Variants in AOPEP observed in about 807,000 individuals in gnomAD.
AOPEP encodes aminopeptidase O.
A neutral mutation model predicts 98.1 loss-of-function variants in AOPEP; 77 were observed. That is an observed-to-expected ratio of 0.78 (90% CI 0.65 to 0.95). AOPEP has a LOEUF of 0.95. Ranked by LOEUF, AOPEP falls within the 40% of genes least tolerant of loss-of-function variation. AOPEP has a pLI of 0.00. For synonymous variants in AOPEP, 346 were observed against 365.3 expected (o/e 0.95, Z 0.60); for missense variants, 1,024 against 1,024.7 (o/e 1.00, Z 0.01).
intron 14 of AOPEP, among the ~76,000 whole-genome samples, chr9:95,066,221 A>T (rs1318011685): frequency 1.3e-5 from 2 of 152,172 alleles, no homozygotes; most frequent in African/African-American, 4.8e-5. Context: ...CTCTCAGTAC[A>T]TCCTTCTTAG....
intron 13 of AOPEP, among the ~76,000 whole-genome samples, chr9:95,006,826 G>C (rs1408663198): frequency 6.6e-6 from 1 of 151,800 alleles, no homozygotes; most frequent in African/African-American, 2.4e-5. Context: ...TGATGAATGA[G>C]ATCATAAAAT....
chr9:95,128,589 G>C, the AOPEP span, among the ~76,000 whole-genome samples: 1 of 152,190 alleles, frequency 6.6e-6, no homozygotes, highest in South Asian at 2.1e-4. Flanking sequence ...AACCACTGGG[G>C]GAGCAAGGAA....
chr9:95,088,146 C>G (rs1420039931), downstream of AOPEP, among the ~76,000 whole-genome samples: 1 of 151,984 alleles, frequency 6.6e-6, no homozygotes, highest in Non-Finnish European at 1.5e-5. Flanking sequence ...AATACACGAC[C>G]GCGGCTTCCT....
intron 16 of AOPEP, chr9:95,085,951 C>T (rs1412033536): frequency 1.6e-5 from 21 of 1,336,828 alleles, no homozygotes; most frequent in South Asian, 2.4e-5. Flanking sequence ...GCGTCTCCTG[C>T]GCCAGCAGAC....
chr9:95,142,032 G>C, the AOPEP span, among the ~76,000 whole-genome samples: 1 of 110,680 alleles, frequency 9.0e-6, no homozygotes, highest in African/African-American at 3.6e-5. Flanking sequence ...TGCTCTTGTC[G>C]CCCAGGCTGG....
At chr9:95,117,241 A>T in the AOPEP span, 3 of 1,310,488 alleles carry the variant, frequency 2.3e-6, no homozygotes, top group Admixed American at 5.2e-5. Context: ...TAAGGGCCTG[A>T]TGAGGAGGTC....
At chr9:94,935,428 A>T (rs1211598311) in intron 7 of AOPEP, 1 of 152,392 alleles carries the variant, frequency 6.6e-6, no homozygotes, top group East Asian at 1.9e-4. Context: ...TGGAAAGGGA[A>T]GGGAAATGGA....
intron 5 of AOPEP, among the ~76,000 whole-genome samples, chr9:94,863,839 T>C (rs549006286): frequency 4.6e-5 from 7 of 152,262 alleles, no homozygotes; most frequent in Admixed American, 1.3e-4. Flanking sequence ...GAAGAAAGAG[T>C]GAAAGGCCTG....
At chr9:94,919,087 T>A (rs144963152) in intron 5 of AOPEP, among the ~76,000 whole-genome samples, 2,358 of 152,124 alleles carry the variant, frequency 0.016, 62 homozygotes, top group African/African-American at 0.054. Context: ...GCTAATTTTT[T>A]ATATTTTTAG....
intron 13 of AOPEP, among the ~76,000 whole-genome samples, chr9:95,056,836 A>G (rs1004933973): frequency 4.6e-5 from 7 of 152,150 alleles, no homozygotes; most frequent in Admixed American, 3.9e-4. Flanking sequence ...TTTGTACTTG[A>G]CTGACCTCGT....
At chr9:94,990,611 T>TTAA (rs2060832555) in intron 11 of AOPEP, among the ~76,000 whole-genome samples, 1 of 149,858 alleles carries the variant, frequency 6.7e-6, no homozygotes, top group African/African-American at 2.5e-5. Flanking sequence ...GATTATTTAA[T>TTAA]TTAATTAATT....
chr9:95,091,790 G>A (rs1341311230), downstream of AOPEP, among the ~76,000 whole-genome samples: 2 of 152,164 alleles, frequency 1.3e-5, no homozygotes, highest in African/African-American at 4.8e-5. Context: ...GAGAAAGGCC[G>A]GCAGCCGAGC....
the AOPEP span, among the ~76,000 whole-genome samples, chr9:95,140,213 G>A: frequency 6.6e-6 from 1 of 152,052 alleles, no homozygotes; most frequent in Non-Finnish European, 1.5e-5. Context: ...CTTCCAGTCA[G>A]GGCTCCACCT....
intron 13 of AOPEP, chr9:95,022,295 G>A (rs1443412782): frequency 1.3e-5 from 2 of 152,066 alleles, no homozygotes; most frequent in Non-Finnish European, 2.9e-5. Context: ...ATTCTTAGTG[G>A]GGTTTTTTTC....
At chr9:95,004,354 G>C in intron 11 of AOPEP, 1 of 451,382 alleles carries the variant, frequency 2.2e-6, no homozygotes, top group Non-Finnish European at 4.5e-6. Context: ...CTACCCAGTG[G>C]TTCTGGGGGT....
At chr9:94,929,080 TC>T (rs1469667211) in intron 7 of AOPEP, among the ~76,000 whole-genome samples, 1 of 152,216 alleles carries the variant, frequency 6.6e-6, no homozygotes, top group African/African-American at 2.4e-5. Context: ...ATGCCATTTT[TC>T]CACGTTTGTC....
intron 13 of AOPEP, among the ~76,000 whole-genome samples, chr9:95,058,836 T>C (rs538922219): frequency 6.6e-6 from 1 of 152,248 alleles, no homozygotes; most frequent in South Asian, 2.1e-4. Flanking sequence ...CTTGAGGCCA[T>C]GGGTTGAAGG....
At chr9:95,101,903 G>A in the AOPEP span, 7 of 1,608,692 alleles carry the variant, frequency 4.4e-6, no homozygotes, top group Non-Finnish European at 5.9e-6. Flanking sequence ...AGACAGATTT[G>A]TCCTTTGTCC....
At chr9:94,849,235 A>G (rs1434656770) in intron 5 of AOPEP, among the ~76,000 whole-genome samples, 1 of 152,210 alleles carries the variant, frequency 6.6e-6, no homozygotes, top group Non-Finnish European at 1.5e-5. Flanking sequence ...TCCTTTAAAA[A>G]CAAACTTATA....
Sources: gnomAD v4.1 joint callset for allele counts (sites outside exome capture counted in the v4.1 genomes callset) on GRCh38, gnomAD v4.1.1 for gene constraint, MANE v1.5 for transcripts, NCBI Gene and HGNC (gene_info 2026-07-23, HGNC 2026-07-21) for gene names.